Variants in HCN1 observed in about 807,000 individuals in gnomAD.
The protein encoded by HCN1 is hyperpolarization activated cyclic nucleotide gated potassium channel 1.
A neutral mutation model predicts 78.9 loss-of-function variants in HCN1; 13 were observed. The ratio of observed to expected loss-of-function variants is 0.16; its 90% CI spans 0.11 to 0.26. The LOEUF (loss-of-function observed/expected upper bound fraction) is 0.26, where lower values mean the gene tolerates loss of function less well. HCN1 is among the 10% of genes least tolerant of loss of function. HCN1 has a pLI of 1.00. For missense variants in HCN1, 810 were observed against 1,154.3 expected, an observed-to-expected ratio of 0.70 and a Z score of 4.32; for synonymous variants, 552 against 455.5, an observed-to-expected ratio of 1.21 and a Z score of -2.70.
At chr5:45,395,671 G>C (rs777835772) in intron 4 of HCN1, among the ~76,000 whole-genome samples, 1 of 152,060 alleles carries the variant, frequency 6.6e-6, no homozygotes, top group African/African-American at 2.4e-5. Context: ...TTTCAGAAAC[G>C]CTCTTTGGCA....
intron 5 of HCN1, among the ~76,000 whole-genome samples, chr5:45,319,941 G>C (rs1383727931): frequency 6.6e-6 from 1 of 151,702 alleles, no homozygotes; most frequent in Non-Finnish European, 1.5e-5. Context: ...CCAATTTCGT[G>C]AAACCTCTAA....
At chr5:45,302,465 C>A (rs1180530899) in intron 6 of HCN1, among the ~76,000 whole-genome samples, 1 of 151,950 alleles carries the variant, frequency 6.6e-6, no homozygotes, top group Non-Finnish European at 1.5e-5. Flanking sequence ...TGGACTAATA[C>A]ACAAGACAAA....
chr5:45,408,587 G>T (rs527316244), intron 3 of HCN1, among the ~76,000 whole-genome samples: 1 of 152,188 alleles, frequency 6.6e-6, no homozygotes, highest in South Asian at 2.1e-4. Context: ...ATTGCCTAAG[G>T]ATATACTTCT....
chr5:45,564,525 A>C (rs1743669508), intron 2 of HCN1, among the ~76,000 whole-genome samples: 1 of 152,102 alleles, frequency 6.6e-6, no homozygotes, highest in South Asian at 2.1e-4. Flanking sequence ...TACAACTCCT[A>C]TCCTCCTAAA....
At chr5:45,654,964 G>T (rs2112046203) in intron 1 of HCN1, among the ~76,000 whole-genome samples, 1 of 152,100 alleles carries the variant, frequency 6.6e-6, no homozygotes, top group Non-Finnish European at 1.5e-5. Context: ...ACCTCCCTGT[G>T]TTTTTTGTTA....
chr5:45,417,751 CAAAA>C (rs1212611466), intron 3 of HCN1, among the ~76,000 whole-genome samples: 1 of 14,794 alleles, frequency 6.8e-5, no homozygotes, highest in Non-Finnish European at 1.7e-4. Context: ...TGTAGAGAGA[CAAAA>C]AAAAAAAAAA....
intron 1 of HCN1, among the ~76,000 whole-genome samples, chr5:45,676,214 C>T (rs1746263808): frequency 6.6e-6 from 1 of 151,674 alleles, no homozygotes; most frequent in Admixed American, 6.6e-5. Flanking sequence ...GTATGACCTG[C>T]TTTTTCATCA....
rs191010146 is a variant in HCN1 at position 45,484,767 on chromosome 5, C to T, written c.850-22760G>A. Among the ~76,000 whole-genome samples the T allele has an allele frequency of 1.1e-4, 16 of 152,290 alleles. 1 individual carries two copies. In the East Asian group the frequency reaches 1.7e-3, roughly 17 times the overall value. On this transcript the variant is annotated intron_variant, in intron 2 of 7. Coordinates refer to ENST00000303230, the MANE Select transcript of HCN1 (RefSeq NM_021072.4). ...AATCCTAATTGACACAGTGCTTATACTTTTATTAAGTTATTAATTTTAAAA... is the reference window on the plus strand; with the variant it reads ...AATCCTAATTGACACAGTGCTTATATTTTTATTAAGTTATTAATTTTAAAA...
intron 1 of HCN1, among the ~76,000 whole-genome samples, chr5:45,659,245 T>C (rs1050389668): frequency 7.2e-6 from 1 of 139,684 alleles, no homozygotes; most frequent in East Asian, 2.2e-4. Flanking sequence ...CTGAGGGTCC[T>C]GTCTGTTAGA....
intron 5 of HCN1, among the ~76,000 whole-genome samples, chr5:45,305,514 T>C (rs1345416558): frequency 6.6e-6 from 1 of 152,074 alleles, no homozygotes; most frequent in African/African-American, 2.4e-5. Context: ...ATTATTCAAA[T>C]CAAAATACAC....
chr5:45,446,681 T>C (rs13158092), intron 3 of HCN1, among the ~76,000 whole-genome samples: 3 of 152,054 alleles, frequency 2.0e-5, no homozygotes, highest in East Asian at 1.9e-4. Flanking sequence ...AGACTAACAG[T>C]GGATCTCTCA....
chr5:45,300,610 G>A (rs1004271396), intron 6 of HCN1, among the ~76,000 whole-genome samples: 2 of 151,692 alleles, frequency 1.3e-5, no homozygotes. Context: ...TTGTATTATT[G>A]TTAAGGCTTC....
intron 3 of HCN1, among the ~76,000 whole-genome samples, chr5:45,438,176 C>A (rs1299105299): frequency 6.6e-6 from 1 of 152,098 alleles, no homozygotes; most frequent in Non-Finnish European, 1.5e-5. Flanking sequence ...AGATGTCTAC[C>A]ACACCAAATG....
chr5:45,283,346 G>A (rs1745206332), intron 6 of HCN1, among the ~76,000 whole-genome samples: 1 of 152,074 alleles, frequency 6.6e-6, no homozygotes, highest in Non-Finnish European at 1.5e-5. Flanking sequence ...TATCAACAGA[G>A]TAAACAGACA....
intron 3 of HCN1, among the ~76,000 whole-genome samples, chr5:45,445,568 T>C (rs371545240): frequency 1.3e-5 from 2 of 152,178 alleles, no homozygotes; most frequent in Non-Finnish European, 2.9e-5. Context: ...GATCTGAGAA[T>C]GGGCAGACTG....
intron 2 of HCN1, among the ~76,000 whole-genome samples, chr5:45,544,403 T>C (rs150988376): frequency 6.6e-6 from 1 of 152,008 alleles, no homozygotes; most frequent in African/African-American, 2.4e-5. Context: ...ATTTAGAAAA[T>C]CACCAGTTAC....
chr5:45,523,486 G>C (rs968133928), intron 2 of HCN1, among the ~76,000 whole-genome samples: 1 of 152,090 alleles, frequency 6.6e-6, no homozygotes, highest in Non-Finnish European at 1.5e-5. Context: ...CAGTGTAAAA[G>C]TGTTCCTATT....
At chr5:45,377,508 C>G (rs188483700) in intron 4 of HCN1, among the ~76,000 whole-genome samples, 2 of 151,896 alleles carry the variant, frequency 1.3e-5, no homozygotes, top group Admixed American at 1.3e-4. Flanking sequence ...TCACTTGCAA[C>G]CTAATCTTTA....
At chr5:45,314,941 C>G (rs1467811577) in intron 5 of HCN1, among the ~76,000 whole-genome samples, 6 of 152,002 alleles carry the variant, frequency 3.9e-5, no homozygotes, top group Non-Finnish European at 5.9e-5. Flanking sequence ...ACAAAGAGAC[C>G]TAGACTCCCA....
Sources: allele counts gnomAD v4.1 joint callset (sites outside exome capture counted in the v4.1 genomes callset), GRCh38; gene constraint gnomAD v4.1.1; transcripts MANE v1.5; gene names NCBI Gene and HGNC (gene_info 2026-07-23, HGNC 2026-07-21).